The following TMEM161A variants were observed in gnomAD, a reference collection of about 807,000 sequenced individuals.
The protein encoded by TMEM161A is adaptive response to oxidative stress protein 29.
In TMEM161A, 46 loss-of-function variants were observed where a neutral mutation model predicts 57.1. The observed-to-expected ratio is 0.81, with a 90% CI of 0.64 to 1.03. The LOEUF is 1.03. TMEM161A is among the 50% of genes least tolerant of loss of function. The pLI is 0.00. For missense variants in TMEM161A, 601 were observed against 621.5 expected (o/e 0.97, Z 0.35); for synonymous variants, 288 against 279.0 (o/e 1.03, Z -0.32).
At chr19:19,120,261 A>G (rs2059902162) in intron 11 of TMEM161A, 78 bp from the exon 12 acceptor site, 4 of 1,267,642 alleles carry the variant, frequency 3.2e-6, no homozygotes, top group Non-Finnish European at 4.3e-6. Context: ...ACGGGGGGCC[A>G]GGCCCATTCC....
At chr19:19,126,581 G>C (rs1400623029) in intron 6 of TMEM161A, among the ~76,000 whole-genome samples, 1 of 152,014 alleles carries the variant, frequency 6.6e-6, no homozygotes, top group Non-Finnish European at 1.5e-5. Flanking sequence ...AAAATTATCT[G>C]GGTGTAGCCA....
intron 11 of TMEM161A, 105 bp from the exon 12 acceptor site, chr19:19,120,288 C>G: frequency 9.8e-7 from 1 of 1,022,094 alleles, no homozygotes; most frequent in Non-Finnish European, 1.4e-6. Context: ...CACTCCCACC[C>G]CTGTCTCAGA....
At chr19:19,137,985 C>T (rs2059991815) in intron 1 of TMEM161A, among the ~76,000 whole-genome samples, 2 of 152,192 alleles carry the variant, frequency 1.3e-5, no homozygotes, top group African/African-American at 4.8e-5. Flanking sequence ...CCACACACCC[C>T]GATATAGCAG....
chr19:19,132,588 A>AC lies in TMEM161A; in HGVS notation c.286+68dup. On this transcript the variant is annotated intron_variant, in intron 4 of 11. Transcript: ENST00000162044. This position sits in a 1 kb window ranked among gnomAD's most constrained non-coding sequence, Gnocchi z 4.3. The stretch of plus-strand genomic sequence containing the variant: ...AACATTCTTCCTTCAAATCCTCCCC[A>AC]CCCCCATGAGGGTGTGGAGACCTTC... 1.3e-6 allele frequency: 2 copies of AC among 1,568,146 alleles called. No individual in the cohort carries two copies.
At chr19:19,129,901 A>G (rs1214839934) in intron 6 of TMEM161A, among the ~76,000 whole-genome samples, 2 of 151,384 alleles carry the variant, frequency 1.3e-5, no homozygotes, top group Non-Finnish European at 2.9e-5. Context: ...GTGAAACTCC[A>G]TCTCAAAAAA....
chr19:19,125,214 A>C (rs1159724461), intron 6 of TMEM161A, among the ~76,000 whole-genome samples: 5 of 152,206 alleles, frequency 3.3e-5, no homozygotes, highest in African/African-American at 9.7e-5. Context: ...TTCAATAAAA[A>C]TATAATTGTT....
intron 5 of TMEM161A, among the ~76,000 whole-genome samples, chr19:19,131,591 T>C (rs2059959383): frequency 6.6e-6 from 1 of 152,072 alleles, no homozygotes; most frequent in Non-Finnish European, 1.5e-5. Flanking sequence ...AATAGCATGA[T>C]CTTGGCTCAC....
intron 1 of TMEM161A, among the ~76,000 whole-genome samples, chr19:19,137,212 G>A (rs2059988761): frequency 6.6e-6 from 1 of 152,140 alleles, no homozygotes; most frequent in Non-Finnish European, 1.5e-5. Flanking sequence ...TGCAGGCATA[G>A]CTAGAGACCA....
chr19:19,125,923 GT>G (rs1479714080), intron 6 of TMEM161A, among the ~76,000 whole-genome samples: 14 of 152,064 alleles, frequency 9.2e-5, no homozygotes, highest in Admixed American at 7.2e-4. Flanking sequence ...GAGGTCTGGA[GT>G]TCAAGACCAG....
intron 1 of TMEM161A, among the ~76,000 whole-genome samples, chr19:19,137,556 A>G (rs933094672): frequency 6.6e-6 from 1 of 152,230 alleles, no homozygotes; most frequent in African/African-American, 2.4e-5. Context: ...GAACCCTGAT[A>G]AAATCAATGC....
Position 19,119,375 on chromosome 19 carries a change from G to C in TMEM161A, c.*555C>G. On this transcript the variant is annotated 3_prime_UTR_variant, in exon 12 of 12. Transcript: ENST00000162044. ...TGACCAGGCTGGTCTCAAACTGCTG[G>C]CCTCAAGTGATCTGCCCGCCTTGGC... is the stretch of plus-strand genomic sequence containing the variant. 2 of 156,260 alleles carry C rather than the reference G, an allele frequency of 1.3e-5. No homozygotes were observed. Among genetic ancestry groups the C allele is most frequent in the South Asian group, 3.8e-4 (2 of 5,196 alleles). The allele number at this position is 156,260 out of a possible 1,614,324, so 9.7% of individuals were successfully genotyped here.
intron 6 of TMEM161A, among the ~76,000 whole-genome samples, chr19:19,127,011 C>T (rs182792175): frequency 6.5e-4 from 99 of 152,196 alleles, no homozygotes; most frequent in Admixed American, 1.6e-3. Context: ...CACGCCACCA[C>T]TGCACTCCAG....
chr19:19,126,094 C>T (rs1451529247), intron 6 of TMEM161A, among the ~76,000 whole-genome samples: 2 of 151,072 alleles, frequency 1.3e-5, no homozygotes, highest in South Asian at 2.1e-4. Flanking sequence ...AGTGAAACCC[C>T]ATCTCTAGTA....
intron 6 of TMEM161A, among the ~76,000 whole-genome samples, chr19:19,128,281 G>A (rs554050774): frequency 3.3e-5 from 5 of 150,334 alleles, no homozygotes; most frequent in Admixed American, 2.7e-4. Context: ...GCCCAGGCTG[G>A]AGTGCAGTGG....
At chr19:19,129,479 C>T (rs2146333847) in intron 6 of TMEM161A, among the ~76,000 whole-genome samples, 1 of 152,154 alleles carries the variant, frequency 6.6e-6, no homozygotes, top group Middle Eastern at 3.4e-3. Context: ...GGCACGGTGG[C>T]TCACACCTGT....
rs545029103 is a variant in TMEM161A at position 19,121,218 on chromosome 19, C to G, written c.915-52G>C. ...GACTAAGAAGGTCGCCCCCGACCCC[C>G]CAGGATCTTCCCCAGGCTCCTCCCT... is the stretch of plus-strand genomic sequence containing the variant. On this transcript the variant is annotated intron_variant, in intron 9 of 11. Transcript: ENST00000162044. This position sits in a 1 kb window ranked among gnomAD's most constrained non-coding sequence, Gnocchi z 5.8. 179 of 1,552,202 alleles carry G rather than the reference C, an allele frequency of 1.2e-4. 1 individual carries two copies. The South Asian group carries it at 1.5e-3, about 13-fold the overall frequency.
Position 19,121,178 on chromosome 19 carries a change from G to C in TMEM161A, c.915-12C>G, listed in dbSNP as rs376297718. 1.4e-5 allele frequency: 22 copies of C among 1,592,566 alleles called. No individual in the cohort carries two copies. In the African/African-American group the frequency reaches 2.7e-4, roughly 19 times the overall value. ...CAGAATCGGACAGCCTGTGCGGAGA[G>C]GGCCGGGGGCAAGGGACTAAGAAGG... On this transcript the variant is annotated splice_polypyrimidine_tract_variant and intron_variant, in intron 9 of 11. Coordinates refer to ENST00000162044, the MANE Select transcript of TMEM161A (RefSeq NM_017814.3). This position sits in a 1 kb window ranked among gnomAD's most constrained non-coding sequence, Gnocchi z 5.8.
In TMEM161A at chr19:19,132,658, C is replaced by A; in HGVS notation, c.285G>T (p.Leu95=). The A allele has an allele frequency of 6.4e-7, 1 of 1,567,112 alleles. No individual in the cohort carries two copies. Among genetic ancestry groups the A allele is most frequent in the Non-Finnish European group, 8.7e-7 (1 of 1,155,796 alleles). The change falls in exon 4 of 12, where the codon CTG becomes CTT. Residue 95 remains leucine (L), a splice_region_variant and synonymous_variant. Coordinates refer to ENST00000162044, the MANE Select transcript of TMEM161A (RefSeq NM_017814.3). The surrounding 1 kb of genome is among the most constrained non-coding windows in gnomAD (Gnocchi z 4.3). ...TTAGGGATGGGACTGGGCTATTACC[C>A]AGGGCATCCACGGTCGTGAGGGGGC... The part of the protein sequence containing the change: ...ETCPLTTVDA[L]VLRFFLEYQW...
At position 19,132,932 on chromosome 19, in the gene TMEM161A, C is replaced by T. The variant is rs1488707043; in HGVS notation, c.189-178G>A. 2.8e-6 allele frequency: 2 copies of T among 720,304 alleles called. No individual in the cohort carries two copies. Among genetic ancestry groups the T allele is most frequent in the African/African-American group, 1.8e-5 (1 of 55,818 alleles). The allele number at this position is 720,304 out of a possible 1,614,324, so 44.6% of individuals were successfully genotyped here. A position where few individuals can be genotyped will look rare whatever the true frequency, so the allele number is the denominator to read the frequency against. ...CACAGGACTGGCTAGAGCAAACTGC[C>T]AGGAAACAGATGCTAACTTGACAGT... On this transcript the variant is annotated intron_variant, in intron 3 of 11. Transcript: ENST00000162044. The surrounding 1 kb of genome is among the most constrained non-coding windows in gnomAD (Gnocchi z 4.3).
Sources: allele counts gnomAD v4.1 joint callset (sites outside exome capture counted in the v4.1 genomes callset), GRCh38; gene constraint gnomAD v4.1.1; non-coding constraint Gnocchi (gnomAD v3.1); transcripts MANE v1.5; gene names NCBI Gene and HGNC (gene_info 2026-07-23, HGNC 2026-07-21).